Variants in MIPOL1 observed in about 807,000 individuals in gnomAD.
The protein encoded by MIPOL1 is mirror-image polydactyly 1.
MIPOL1 carries 57 observed loss-of-function variants against 60.9 expected under a neutral mutation model. That is an observed-to-expected ratio of 0.94 (90% CI 0.76 to 1.17). The LOEUF (loss-of-function observed/expected upper bound fraction) is 1.17, where lower values mean the gene tolerates loss of function less well. MIPOL1 is among the 50% of genes most tolerant of loss of function. MIPOL1 has a pLI of 0.00. For missense variants in MIPOL1, 551 were observed against 511.6 expected, an observed-to-expected ratio of 1.08 and a Z score of -0.74; for synonymous variants, 179 against 168.8, an observed-to-expected ratio of 1.06 and a Z score of -0.47.
At chr14:37,226,540 G>A (rs995773848) in intron 1 of MIPOL1, among the ~76,000 whole-genome samples, 4 of 152,160 alleles carry the variant, frequency 2.6e-5, no homozygotes, top group African/African-American at 9.6e-5. Flanking sequence ...CAGTATGGGG[G>A]AAACCACCCC....
At chr14:37,289,036 T>C (rs1441177676) in intron 7 of MIPOL1, among the ~76,000 whole-genome samples, 1 of 152,202 alleles carries the variant, frequency 6.6e-6, no homozygotes, top group Non-Finnish European at 1.5e-5. Flanking sequence ...CGTTAGTTTT[T>C]ATAGCCAAAG....
intron 1 of MIPOL1, among the ~76,000 whole-genome samples, chr14:37,202,243 T>G (rs1034198390): frequency 6.6e-6 from 1 of 152,174 alleles, no homozygotes; most frequent in Non-Finnish European, 1.5e-5. Flanking sequence ...TTCTTTGATA[T>G]GTATAATTGT....
intron 6 of MIPOL1, among the ~76,000 whole-genome samples, chr14:37,271,604 T>G (rs2083307029): frequency 6.6e-6 from 1 of 151,866 alleles, no homozygotes; most frequent in Non-Finnish European, 1.5e-5. Context: ...ATGTTTTTAT[T>G]TTTGTGTGTG....
At chr14:37,379,886 T>A (rs1254526809) in intron 10 of MIPOL1, among the ~76,000 whole-genome samples, 1 of 152,110 alleles carries the variant, frequency 6.6e-6, no homozygotes, top group Non-Finnish European at 1.5e-5. Flanking sequence ...TTTTTTGTTG[T>A]CTACTCAAAT....
chr14:37,491,349 C>T (rs1039503744), intron 11 of MIPOL1, among the ~76,000 whole-genome samples: 4 of 152,064 alleles, frequency 2.6e-5, no homozygotes, highest in African/African-American at 7.2e-5. Flanking sequence ...TGCAACATGG[C>T]GAAACTCCGC....
At chr14:37,205,355 C>T (rs1175050184) in intron 1 of MIPOL1, among the ~76,000 whole-genome samples, 5 of 151,998 alleles carry the variant, frequency 3.3e-5, no homozygotes, top group Non-Finnish European at 7.4e-5. Context: ...CCACCCACCT[C>T]GGCCTCCCAA....
chr14:37,236,310 A>T (rs762722517), intron 1 of MIPOL1, among the ~76,000 whole-genome samples: 1 of 152,100 alleles, frequency 6.6e-6, no homozygotes, highest in Non-Finnish European at 1.5e-5. Context: ...ATAGCTCATG[A>T]TGTTGAGCAT....
intron 11 of MIPOL1, among the ~76,000 whole-genome samples, chr14:37,445,368 A>C (rs1485555725): frequency 1.3e-5 from 2 of 152,168 alleles, no homozygotes. Context: ...CTTACAAGGG[A>C]CATGAAGGAC....
intron 9 of MIPOL1, among the ~76,000 whole-genome samples, chr14:37,345,985 T>C (rs1435257601): frequency 1.3e-5 from 2 of 152,214 alleles, no homozygotes; most frequent in Admixed American, 6.5e-5. Context: ...ATATCTTCTC[T>C]AGCATTTGTC....
intron 7 of MIPOL1, 92 bp downstream of exon 7, chr14:37,285,539 T>G: frequency 7.7e-7 from 1 of 1,298,100 alleles, no homozygotes; most frequent in Non-Finnish European, 1.1e-6. Context: ...ATGTGACTTA[T>G]GCTTATGTGT....
chr14:37,525,763 T>A (rs895505827), intron 12 of MIPOL1, among the ~76,000 whole-genome samples: 7 of 152,222 alleles, frequency 4.6e-5, no homozygotes, highest in Non-Finnish European at 1.0e-4. Flanking sequence ...AAGTACTTTT[T>A]GTTTTTCAGA....
chr14:37,459,825 A>G (rs1467186486), intron 11 of MIPOL1, among the ~76,000 whole-genome samples: 1 of 152,152 alleles, frequency 6.6e-6, no homozygotes, highest in Non-Finnish European at 1.5e-5. Flanking sequence ...CTATAATCCC[A>G]GCACTTTAGG....
intron 1 of MIPOL1, among the ~76,000 whole-genome samples, chr14:37,224,017 A>G (rs988363597): frequency 6.6e-6 from 1 of 152,178 alleles, no homozygotes; most frequent in Non-Finnish European, 1.5e-5. Context: ...CATTTTGATG[A>G]CCATTTATCT....
At chr14:37,379,815 G>A (rs1050297850) in intron 10 of MIPOL1, among the ~76,000 whole-genome samples, 1 of 152,054 alleles carries the variant, frequency 6.6e-6, no homozygotes, top group African/African-American at 2.4e-5. Context: ...GAAGGTTAGT[G>A]TATAATGTGT....
intron 12 of MIPOL1, among the ~76,000 whole-genome samples, chr14:37,536,531 T>G (rs540271848): frequency 2.6e-5 from 4 of 152,288 alleles, no homozygotes; most frequent in African/African-American, 9.6e-5. Context: ...CTAAGCATCA[T>G]TAGGAGGAGA....
Position 37,342,178 on chromosome 14 carries a change from A to G in MIPOL1, c.829-27339A>G, listed in dbSNP as rs181377599. On this transcript the variant is annotated intron_variant, in intron 9 of 12. Coordinates refer to ENST00000684589, the MANE Select transcript of MIPOL1 (RefSeq NM_001388067.1). ...GAAGTTCAAGACCAGCCTGGGCAAC[A>G]TGGTGAAACCCCATCTCTAGTAAAA... 2.7e-3 allele frequency among the ~76,000 whole-genome samples: 410 copies of G among 152,142 alleles called. 3 individuals carry two copies. Among genetic ancestry groups the G allele is most frequent in the African/African-American group, 9.6e-3 (399 of 41,542 alleles).
intron 9 of MIPOL1, among the ~76,000 whole-genome samples, chr14:37,359,512 G>A (rs1036867012): frequency 1.3e-5 from 2 of 151,922 alleles, no homozygotes; most frequent in African/African-American, 4.8e-5. Flanking sequence ...TTATTTCCTT[G>A]AGCAGTGGTT....
intron 11 of MIPOL1, among the ~76,000 whole-genome samples, chr14:37,498,595 AT>A (rs1441283953): frequency 1.3e-5 from 2 of 152,140 alleles, no homozygotes; most frequent in Non-Finnish European, 2.9e-5. Context: ...GGATAGTTAG[AT>A]TAATAACAAT....
intron 3 of MIPOL1, among the ~76,000 whole-genome samples, chr14:37,263,910 C>T (rs2082684539): frequency 6.6e-6 from 1 of 152,176 alleles, no homozygotes; most frequent in East Asian, 1.9e-4. Flanking sequence ...GAATATCTTT[C>T]TGTTTAACAT....
Sources: allele counts gnomAD v4.1 joint callset (sites outside exome capture counted in the v4.1 genomes callset), GRCh38; gene constraint gnomAD v4.1.1; transcripts MANE v1.5; gene names NCBI Gene and HGNC (gene_info 2026-07-23, HGNC 2026-07-21).